MAPK8: variants seen among roughly 807,000 people sequenced by gnomAD.
The protein encoded by MAPK8 is mitogen-activated protein kinase 8.
Under a neutral mutation model 52.9 loss-of-function variants are expected in MAPK8, and 13 were observed. That is an observed-to-expected ratio of 0.25 (90% CI 0.16 to 0.39). The LOEUF (loss-of-function observed/expected upper bound fraction) is 0.39. MAPK8 is among the 10% of genes least tolerant of loss of function. The pLI is 1.00. For missense variants in MAPK8, 300 were observed against 519.2 expected (o/e 0.58, Z 4.10); for synonymous variants, 191 against 169.8 (o/e 1.12, Z -0.97).
intron 2 of MAPK8, 117 bp from the exon 3 acceptor site, chr10:48,404,735 A>T: frequency 1.4e-6 from 1 of 704,302 alleles, no homozygotes. Context: ...TAGACTTGGA[A>T]GGGATCCAGT....
chr10:48,426,355 TACATTAAC>T lies in MAPK8; in HGVS notation c.872-22_872-15del. 6.4e-7 allele frequency: 1 copy of T among 1,572,962 alleles called. No individual in the cohort carries two copies. The highest frequency in any genetic ancestry group is 8.6e-7 in the Non-Finnish European group (1 of 1,164,940). On this transcript the variant is annotated splice_polypyrimidine_tract_variant and intron_variant, in intron 8 of 11. Coordinates refer to ENST00000374189, the MANE Select transcript of MAPK8 (RefSeq NM_001323329.2). ...ATTTGAGAATCTTTACAAATATATG[TACATTAAC>T]ACCATTATGTTTGCAGCCAGTCAGG...
At chr10:48,360,565 C>G (rs1201493234) in intron 1 of MAPK8, among the ~76,000 whole-genome samples, 3 of 152,088 alleles carry the variant, frequency 2.0e-5, no homozygotes, top group Non-Finnish European at 4.4e-5. Flanking sequence ...CTAAATATCC[C>G]TCAGTAGTAG....
chr10:48,323,893 G>A (rs1843222996), intron 1 of MAPK8, among the ~76,000 whole-genome samples: 1 of 152,082 alleles, frequency 6.6e-6, no homozygotes, highest in Non-Finnish European at 1.5e-5. Flanking sequence ...ATAGGAACCT[G>A]GTTTAAGTTC....
chr10:48,368,397 T>G (rs1182799753), intron 1 of MAPK8, among the ~76,000 whole-genome samples: 2 of 151,980 alleles, frequency 1.3e-5, no homozygotes, highest in African/African-American at 4.8e-5. Context: ...GGGGTTAGAG[T>G]GTGTTACAGA....
At chr10:48,393,370 A>T (rs541572983) in intron 1 of MAPK8, among the ~76,000 whole-genome samples, 1 of 152,262 alleles carries the variant, frequency 6.6e-6, no homozygotes, top group African/African-American at 2.4e-5. Flanking sequence ...GACTCATTGT[A>T]GTCCAAAATT....
At chr10:48,399,547 C>G (rs577394346) in intron 1 of MAPK8, among the ~76,000 whole-genome samples, 3 of 152,256 alleles carry the variant, frequency 2.0e-5, no homozygotes, top group African/African-American at 4.8e-5. Flanking sequence ...GCCGGGCCAC[C>G]CTGTTCTGAG....
intron 1 of MAPK8, among the ~76,000 whole-genome samples, chr10:48,370,847 C>T (rs2132624946): frequency 6.6e-6 from 1 of 152,056 alleles, no homozygotes; most frequent in African/African-American, 2.4e-5. Flanking sequence ...AAGGGAGAAG[C>T]CAGGGCTGGA....
chr10:48,377,334 T>G (rs1454874525), intron 1 of MAPK8, among the ~76,000 whole-genome samples: 1 of 148,794 alleles, frequency 6.7e-6, no homozygotes, highest in African/African-American at 2.5e-5. Context: ...ATTCTGCACA[T>G]GTACCCCAGA....
In MAPK8 at chr10:48,401,701, A is replaced by G. The variant is rs754396010; in HGVS notation, c.41A>G (p.Glu14Gly). 1.6e-5 allele frequency: 25 copies of G among 1,605,664 alleles called. No homozygotes were observed. Among genetic ancestry groups the G allele is most frequent in the Non-Finnish European group, 2.1e-5 (25 of 1,176,998 alleles). Residue 14 changes from glutamate to glycine, a missense_variant, in exon 2 of 12, where the codon GAG becomes GGG. This residue lies in a region of MAPK8 where 34 missense variants were observed against 36.7 expected (regional missense o/e 0.93). Coordinates refer to ENST00000374189, the MANE Select transcript of MAPK8 (RefSeq NM_001323329.2). ...SKRDNNFYSV[E>G]IGDSTFTVLK... is the part of the protein sequence containing the mutation. ...CGTGACAACAATTTTTATAGTGTAG[A>G]GATTGGAGATTCTACATTCACAGTC...
chr10:48,338,444 T>C (rs1355541123), intron 1 of MAPK8, among the ~76,000 whole-genome samples: 2 of 151,600 alleles, frequency 1.3e-5, no homozygotes, highest in South Asian at 4.2e-4. Context: ...ATAGTAAGAG[T>C]CATTTATGAC....
rs2289806 is a variant in MAPK8, at chr10:48,419,966, T to C, written c.451-189T>C. 1.8e-3 allele frequency among the ~76,000 whole-genome samples: 275 copies of C among 152,366 alleles called. 4 individuals carry two copies. In the East Asian group the frequency reaches 0.049, roughly 27 times the overall value. On this transcript the variant is annotated intron_variant, in intron 5 of 11. Coordinates refer to ENST00000374189, the MANE Select transcript of MAPK8 (RefSeq NM_001323329.2). Reference sequence around the variant, plus strand: ...CTTCTCTAATAACTGTATGTATTCATAAATTTTAAATCCCATAAAACTGAC... The same window carrying C: ...CTTCTCTAATAACTGTATGTATTCACAAATTTTAAATCCCATAAAACTGAC...
At chr10:48,308,624 C>T (rs1453192231) in intron 1 of MAPK8, among the ~76,000 whole-genome samples, 1 of 152,122 alleles carries the variant, frequency 6.6e-6, no homozygotes, top group Non-Finnish European at 1.5e-5. Flanking sequence ...CACACACAGG[C>T]ACTCATAAAC....
rs1243696445 is a variant in MAPK8, at chr10:48,437,588, C to G, written c.*2559C>G. The G allele has an allele frequency of 6.6e-6, 1 of 152,128 alleles. No individual in the cohort carries two copies. The highest frequency in any genetic ancestry group is 6.5e-5 in the Admixed American group (1 of 15,276). 9.4% of individuals were successfully genotyped at this position (152,128 alleles called of 1,614,324 possible). A position where few individuals can be genotyped will look rare whatever the true frequency, so the allele number is the denominator to read the frequency against. ...ACTATTCTCTTCCCTCTAATATATA[C>G]TGGCCATTTGTAAAACCATTGTGTT... is the stretch of plus-strand genomic sequence containing the variant. On this transcript the variant is annotated 3_prime_UTR_variant, in exon 12 of 12. Transcript: ENST00000374189.
chr10:48,321,592 A>G (rs756846974), intron 1 of MAPK8, among the ~76,000 whole-genome samples: 1 of 152,158 alleles, frequency 6.6e-6, no homozygotes, highest in Non-Finnish European at 1.5e-5. Flanking sequence ...GCTTAACTCA[A>G]GGTCATGAAG....
chr10:48,435,050 TGGGA>T lies in MAPK8; in HGVS notation c.*26_*29del. ...GATGACTACTTGGGCCATCGGGGGG[TGGGA>T]GGGATGGGGAGTCGGTTAGTCATTG... On this transcript the variant is annotated 3_prime_UTR_variant, in exon 12 of 12. Transcript: ENST00000374189. 9.9e-5 allele frequency: 29 copies of T among 293,594 alleles called. No individual in the cohort carries two copies. The highest frequency in any genetic ancestry group is 1.7e-4 in the Non-Finnish European group (26 of 148,920). The allele number at this position is 293,594 out of a possible 1,614,324, so 18.2% of individuals were successfully genotyped here.
chr10:48,316,804 C>G (rs1476906960), intron 1 of MAPK8, among the ~76,000 whole-genome samples: 3 of 152,132 alleles, frequency 2.0e-5, no homozygotes, highest in Admixed American at 6.5e-5. Flanking sequence ...TATTTTCTGT[C>G]TCTTCTTCCC....
In MAPK8 at chr10:48,427,116, A is replaced by C; in HGVS notation, c.1033A>C (p.Arg345=). ...GATCCCTGACAAGCAGTTAGATGAAAGGGAACACACAATAGAAGAGTGGAA... is the reference window on the plus strand; with the variant it reads ...GATCCCTGACAAGCAGTTAGATGAACGGGAACACACAATAGAAGAGTGGAA... ...PKIPDKQLDE[R]EHTIEEWKEL... Residue 345 remains arginine, a synonymous_variant, in exon 10 of 12, where the codon AGG becomes CGG. Coordinates refer to ENST00000374189, the MANE Select transcript of MAPK8 (RefSeq NM_001323329.2). The C allele has an allele frequency of 1.2e-6, 2 of 1,613,222 alleles. No homozygotes were observed. Among genetic ancestry groups the C allele is most frequent in the Non-Finnish European group, 1.7e-6 (2 of 1,179,440 alleles).
chr10:48,432,595 G>A (rs899215466), intron 11 of MAPK8, among the ~76,000 whole-genome samples: 2 of 152,174 alleles, frequency 1.3e-5, no homozygotes, highest in Non-Finnish European at 2.9e-5. Context: ...AATTGTTCAT[G>A]ATGGAGGCTC....
Position 48,403,917 on chromosome 10 carries a change from T to TCGTG in MAPK8, c.123-935_123-934insCGTG, listed in dbSNP as rs2042301554. Among the ~76,000 whole-genome samples the TCGTG allele has an allele frequency of 3.2e-5, 4 of 125,748 alleles. No individual in the cohort carries two copies. In the South Asian group the frequency reaches 1.0e-3, roughly 33 times the overall value. The allele number at this position is 125,748 out of a possible 152,430, so 82.5% of individuals were successfully genotyped here. A position where few individuals can be genotyped will look rare whatever the true frequency, so the allele number is the denominator to read the frequency against. ...GTGCCTGCCACCACGCCCGGCTAAT[T>TCGTG]TGTGTGTGTGTGTGTGTGTGTGTGT... On this transcript the variant is annotated intron_variant, in intron 2 of 11. Coordinates refer to ENST00000374189, the MANE Select transcript of MAPK8 (RefSeq NM_001323329.2).
Sources: gnomAD v4.1 joint callset for allele counts (sites outside exome capture counted in the v4.1 genomes callset) on GRCh38, gnomAD v4.1.1 for gene constraint, gnomAD v4.1.1 regional missense constraint, MANE v1.5 for transcripts, NCBI Gene and HGNC (gene_info 2026-07-23, HGNC 2026-07-21) for gene names.